CCDC33: variants seen among roughly 807,000 people sequenced by gnomAD.
CCDC33 encodes the protein coiled-coil domain-containing protein 33.
A neutral mutation model predicts 91.9 loss-of-function variants in CCDC33; 94 were observed. The ratio of observed to expected loss-of-function variants is 1.02; its 90% CI spans 0.87 to 1.21. The LOEUF (loss-of-function observed/expected upper bound fraction) is 1.21. CCDC33 is among the 50% of genes most tolerant of loss of function. CCDC33 has a pLI of 0.00. For missense variants in CCDC33, 940 were observed against 935.5 expected, an observed-to-expected ratio of 1.00 and a Z score of -0.06; for synonymous variants, 396 against 374.5, an observed-to-expected ratio of 1.06 and a Z score of -0.66.
exon 1 of CCDC33, chr15:74,217,543 C>T (rs780212879): frequency 7.9e-7 from 1 of 1,268,104 alleles, no homozygotes; most frequent in Non-Finnish European, 1.0e-6. Context: ...CAGAGCCTCA[C>T]CCTCACCAGG....
intron 11 of CCDC33, among the ~76,000 whole-genome samples, chr15:74,297,731 A>G (rs59808446): frequency 0.012 from 1,772 of 152,190 alleles, 33 homozygotes; most frequent in African/African-American, 0.041. Flanking sequence ...CAGGCCAGGA[A>G]AGAAAGAAGA....
At chr15:74,250,651 C>G (rs1439324629) in intron 2 of CCDC33, among the ~76,000 whole-genome samples, 1 of 152,228 alleles carries the variant, frequency 6.6e-6, no homozygotes, top group Non-Finnish European at 1.5e-5. Context: ...CATCCCGCCT[C>G]CACTGTGCCC....
At chr15:74,233,538 G>C (rs887013191), upstream of CCDC33, among the ~76,000 whole-genome samples, 2 of 152,200 alleles carry the variant, frequency 1.3e-5, no homozygotes, top group Non-Finnish European at 2.9e-5. Flanking sequence ...TTTGCCCTGT[G>C]CTTCCACAAG....
intron 2 of CCDC33, among the ~76,000 whole-genome samples, chr15:74,248,608 C>T (rs958586412): frequency 6.6e-6 from 1 of 152,162 alleles, no homozygotes; most frequent in Non-Finnish European, 1.5e-5. Flanking sequence ...CAGAACTGTT[C>T]GTTCATTCAT....
chr15:74,332,590 A>T, intron 15 of CCDC33, 89 bp from the exon 16 acceptor site: 1 of 1,426,864 alleles, frequency 7.0e-7, no homozygotes, highest in Non-Finnish European at 9.7e-7. Flanking sequence ...GAGGGGTGGC[A>T]GATTGAAGCA....
chr15:74,250,157 C>T lies in CCDC33; in HGVS notation c.185+6009C>T, dbSNP rs57225955. The stretch of plus-strand genomic sequence containing the variant: ...TGCTTCTCTCCACCAGCTCCACCAC[C>T]GACTTAGGCCACCGCACTATTTCTC... On this transcript the variant is annotated intron_variant, in intron 2 of 18. Coordinates refer to ENST00000398814, the MANE Select transcript of CCDC33 (RefSeq NM_025055.5). Among the ~76,000 whole-genome samples the T allele has an allele frequency of 9.3e-4, 142 of 152,302 alleles. 1 individual carries two copies. In the East Asian group the frequency reaches 0.01, roughly 11 times the overall value.
Position 74,228,825 on chromosome 15 carries a change from T to C in CCDC33, c.675+9964T>C, listed in dbSNP as rs1237025774. Among the ~76,000 whole-genome samples, 5 of 152,246 alleles carry C rather than the reference T, an allele frequency of 3.3e-5. No individual in the cohort carries two copies. The South Asian group carries it at 1.0e-3, about 32-fold the overall frequency. Reference sequence around the variant, plus strand: ...GGGCCGGGCCAGCTCCACGCTGCATTAATACGCTGCAAATGCGATTTCATG... The same window carrying C: ...GGGCCGGGCCAGCTCCACGCTGCATCAATACGCTGCAAATGCGATTTCATG... On this transcript the variant is annotated intron_variant, in intron 2 of 2. Coordinates refer to the CCDC33 transcript ENST00000635913.
chr15:74,303,523 G>A (rs1178507984), intron 11 of CCDC33: 20 of 153,104 alleles, frequency 1.3e-4, no homozygotes, highest in Admixed American at 1.2e-3. Flanking sequence ...CACAAGACAC[G>A]TTCCCAAAAC....
At chr15:74,238,409 C>G (rs1288923167) in intron 1 of CCDC33, among the ~76,000 whole-genome samples, 2 of 66,662 alleles carry the variant, frequency 3.0e-5, no homozygotes, top group Non-Finnish European at 3.3e-5. Context: ...AACTCCATCT[C>G]AAAAAAAAAA....
At chr15:74,226,732 G>A (rs1231855828) in intron 2 of CCDC33, among the ~76,000 whole-genome samples, 1 of 151,954 alleles carries the variant, frequency 6.6e-6, no homozygotes, top group Admixed American at 6.6e-5. Flanking sequence ...GGAGGCTGAG[G>A]CAGGAGAATC....
chr15:74,309,779 C>T (rs918203973), intron 11 of CCDC33, among the ~76,000 whole-genome samples: 4 of 152,150 alleles, frequency 2.6e-5, no homozygotes, highest in African/African-American at 9.7e-5. Flanking sequence ...GTGCCCCACC[C>T]GTTCCAGACC....
At chr15:74,253,961 C>T (rs967153742) in intron 2 of CCDC33, among the ~76,000 whole-genome samples, 4 of 152,024 alleles carry the variant, frequency 2.6e-5, no homozygotes, top group African/African-American at 9.7e-5. Context: ...GTGATCCTCC[C>T]ACCTTGGCCT....
intron 1 of CCDC33, among the ~76,000 whole-genome samples, chr15:74,204,216 G>A (rs895243357): frequency 1.3e-5 from 2 of 152,214 alleles, no homozygotes; most frequent in Admixed American, 6.5e-5. Flanking sequence ...CCAGGGATGC[G>A]GGAAACTTGC....
At chr15:74,330,877 C>T (rs1403175393) in intron 13 of CCDC33, 104 bp from the exon 14 acceptor site, 3 of 1,514,134 alleles carry the variant, frequency 2.0e-6, no homozygotes, top group Admixed American at 3.8e-5. Context: ...AAAGGGGGAC[C>T]AGCCTGGTGG....
At chr15:74,266,863 G>A (rs1010037931) in intron 4 of CCDC33, 76 bp downstream of exon 4, 20 of 1,065,632 alleles carry the variant, frequency 1.9e-5, no homozygotes, top group African/African-American at 3.1e-5. Context: ...TTCCCTCGGA[G>A]CAGCCCTGAG....
At chr15:74,255,545 C>T (rs147045640) in intron 2 of CCDC33, among the ~76,000 whole-genome samples, 284 of 152,352 alleles carry the variant, frequency 1.9e-3, no homozygotes, top group Admixed American at 3.1e-3. Flanking sequence ...CCTCTCCTGT[C>T]GACTTCCCAG....
intron 11 of CCDC33, among the ~76,000 whole-genome samples, chr15:74,298,654 C>T (rs2059734199): frequency 6.6e-6 from 1 of 151,662 alleles, no homozygotes; most frequent in African/African-American, 2.4e-5. Context: ...ATTCTCCTGC[C>T]TCAGTCTCTC....
upstream of CCDC33, among the ~76,000 whole-genome samples, chr15:74,235,480 G>A (rs1271174047): frequency 6.6e-6 from 1 of 152,078 alleles, no homozygotes; most frequent in Admixed American, 6.6e-5. Context: ...AATGAGGCAG[G>A]CCACAGGGGC....
chr15:74,257,283 C>T (rs543617058), intron 2 of CCDC33, among the ~76,000 whole-genome samples: 2 of 152,372 alleles, frequency 1.3e-5, no homozygotes, highest in South Asian at 4.1e-4. Context: ...TCAAAACCCA[C>T]AAGGACCAGC....
Sources: allele counts gnomAD v4.1 joint callset (sites outside exome capture counted in the v4.1 genomes callset), GRCh38; gene constraint gnomAD v4.1.1; transcripts MANE v1.5; gene names NCBI Gene and HGNC (gene_info 2026-07-23, HGNC 2026-07-21).